PLOD1: variants seen among roughly 807,000 people sequenced by gnomAD.
The protein encoded by PLOD1 is procollagen-lysine,2-oxoglutarate 5-dioxygenase 1, also known as lysine hydroxylase.
PLOD1 carries 70 observed loss-of-function variants against 94.7 expected under a neutral mutation model. That is an observed-to-expected ratio of 0.74 (90% CI 0.61 to 0.90). The LOEUF is 0.90. PLOD1 is among the 40% of genes least tolerant of loss of function. The probability of loss-of-function intolerance (pLI) is 0.00; values close to 1 mark genes in which losing one functional copy is unlikely to be tolerated. For synonymous variants in PLOD1, 417 were observed against 400.2 expected (o/e 1.04, Z -0.50); for missense variants, 905 against 972.7 (o/e 0.93, Z 0.93).
rs1335688527 is a variant in PLOD1, at chr1:11,950,507, C to T, written c.453C>T (p.Phe151=). 6.2e-7 allele frequency: 1 copy of T among 1,613,986 alleles called. No individual in the cohort carries two copies. The highest frequency in any genetic ancestry group is 8.5e-7 in the Non-Finnish European group (1 of 1,180,000). ...KYPVVSDGKR[F]LGSGGFIGYA... ...CGGTGGTGTCCGATGGCAAGAGGTTCCTGGGCTCTGGAGGTGAGAGGCCTG... is the reference window on the plus strand; with the variant it reads ...CGGTGGTGTCCGATGGCAAGAGGTTTCTGGGCTCTGGAGGTGAGAGGCCTG... Residue 151 remains phenylalanine, a synonymous_variant, in exon 4 of 19, where the codon TTC becomes TTT. Transcript: ENST00000196061.
chr1:11,951,214 C>A (rs1253357013), intron 4 of PLOD1, among the ~76,000 whole-genome samples: 11 of 152,194 alleles, frequency 7.2e-5, no homozygotes, highest in African/African-American at 2.4e-4. Context: ...CTGCCATTCC[C>A]TACCCTCATG....
intron 16 of PLOD1, among the ~76,000 whole-genome samples, chr1:11,969,318 G>A (rs1037627587): frequency 6.6e-6 from 1 of 152,138 alleles, no homozygotes; most frequent in Non-Finnish European, 1.5e-5. Flanking sequence ...ACAGAAATGT[G>A]TGTTCCCAAG....
In PLOD1 at chr1:11,965,375, G is replaced by C. The variant is rs190523295; in HGVS notation, c.1471-105G>C. On this transcript the variant is annotated intron_variant, in intron 13 of 18. Transcript: ENST00000196061. ...CTGATATTGGGAACTTCAGTTCGGCGGGTGGAGGAGGCTGCACTGTTGCCC... is the reference window on the plus strand; with the variant it reads ...CTGATATTGGGAACTTCAGTTCGGCCGGTGGAGGAGGCTGCACTGTTGCCC... 180 of 724,430 alleles carry C rather than the reference G, an allele frequency of 2.5e-4. No homozygotes were observed. In the African/African-American group the frequency reaches 2.8e-3, roughly 11 times the overall value. The allele number at this position is 724,430 out of a possible 1,614,324, so 44.9% of individuals were successfully genotyped here.
In PLOD1 at chr1:11,960,649, C is replaced by G; in HGVS notation, c.979C>G (p.Gln327Glu). The G allele has an allele frequency of 6.2e-7, 1 of 1,611,280 alleles. No individual in the cohort carries two copies. The highest frequency in any genetic ancestry group is 8.5e-7 in the Non-Finnish European group (1 of 1,178,966). ...HMRLFIHNHE[Q>E]HHKAQVEEFL... Reference sequence around the variant, plus strand: ...CCTTCCCCATCCCCAACCCCAGGAGCAGCACCACAAGGCTCAGGTGGAAGA... The same window carrying G: ...CCTTCCCCATCCCCAACCCCAGGAGGAGCACCACAAGGCTCAGGTGGAAGA... The change falls in exon 10 of 19, where the codon CAG (glutamine) becomes GAG (glutamate). Residue 327 changes from glutamine (Q) to glutamate (E), a missense_variant. Physicochemically the swap from Gln to Glu is conservative, Grantham distance 29. Coordinates refer to ENST00000196061, the MANE Select transcript of PLOD1 (RefSeq NM_000302.4).
Position 11,970,681 on chromosome 1 carries a change from C to T in PLOD1, c.1767C>T (p.Ile589=). ...TCGGTCACCTCCAGGACAACCGCAT[C>T]CAGGGTGGCTACGAGAACGTGCCGA... ...WSLGNNKDNR[I]QGGYENVPTI... The change falls in exon 17 of 19, where the codon ATC becomes ATT. Residue 589 remains isoleucine (I), a synonymous_variant. Transcript: ENST00000196061. 6.2e-7 allele frequency: 1 copy of T among 1,613,234 alleles called. No homozygotes were observed.
chr1:11,960,474 G>A (rs922199799), intron 9 of PLOD1, among the ~76,000 whole-genome samples, 172 bp from the exon 10 acceptor site: 9 of 152,208 alleles, frequency 5.9e-5, no homozygotes, highest in Admixed American at 2.6e-4. Flanking sequence ...AGGGAAGGGT[G>A]TTCCTGGCAC....
chr1:11,960,657 C>T lies in PLOD1; in HGVS notation c.987C>T (p.His329=). 1.2e-6 allele frequency: 2 copies of T among 1,612,254 alleles called. No homozygotes were observed. The highest frequency in any genetic ancestry group is 1.1e-5 in the South Asian group (1 of 91,006). The change falls in exon 10 of 19, where the codon CAC becomes CAT. Residue 329 remains histidine (H), a synonymous_variant. Transcript: ENST00000196061. ...RLFIHNHEQH[H]KAQVEEFLAQ... is the part of the protein sequence containing the mutation. ...ATCCCCAACCCCAGGAGCAGCACCA[C>T]AAGGCTCAGGTGGAAGAGTTCCTGG...
At chr1:11,938,153 A>T (rs973537373) in intron 1 of PLOD1, among the ~76,000 whole-genome samples, 2 of 119,446 alleles carry the variant, frequency 1.7e-5, no homozygotes, top group Non-Finnish European at 3.4e-5. Flanking sequence ...GGGTTTTGCA[A>T]TGTTAGCCAG....
intron 18 of PLOD1, among the ~76,000 whole-genome samples, chr1:11,974,139 G>C (rs1240610538): frequency 6.6e-6 from 1 of 151,888 alleles, no homozygotes; most frequent in East Asian, 1.9e-4. Context: ...AAAGAGTGGA[G>C]GTGATGTCTG....
chr1:11,958,987 C>T lies in PLOD1; in HGVS notation c.975+340C>T, dbSNP rs1055386984. Among the ~76,000 whole-genome samples the T allele has an allele frequency of 1.3e-5, 2 of 152,112 alleles. No individual in the cohort carries two copies. Among genetic ancestry groups the T allele is most frequent in the Non-Finnish European group, 2.9e-5 (2 of 68,024 alleles). On this transcript the variant is annotated intron_variant, in intron 9 of 18. Transcript: ENST00000196061. This position sits in a 1 kb window ranked among gnomAD's most constrained non-coding sequence, Gnocchi z 4.3. ...TGGGAGGCCCAGGTGGGCAGATTATCTGAGGTCGGGAGTTCGAGACTAGCC... is the reference window on the plus strand; with the variant it reads ...TGGGAGGCCCAGGTGGGCAGATTATTTGAGGTCGGGAGTTCGAGACTAGCC...
rs546870755 is a variant in PLOD1 at position 11,950,284 on chromosome 1, C to T, written c.303-73C>T. On this transcript the variant is annotated intron_variant, in intron 3 of 18. Coordinates refer to ENST00000196061, the MANE Select transcript of PLOD1 (RefSeq NM_000302.4). ...TTTGTGGAGCACTTGATCCCTGGTC[C>T]CTCCTGTCTGTGCCCTCACTGGGCC... 62 of 1,433,858 alleles carry T rather than the reference C, an allele frequency of 4.3e-5. No homozygotes were observed. The African/African-American group carries it at 7.9e-4, about 18-fold the overall frequency. The allele number at this position is 1,433,858 out of a possible 1,614,324, so 88.8% of individuals were successfully genotyped here.
At chr1:11,937,739 A>G (rs1486562911) in intron 1 of PLOD1, among the ~76,000 whole-genome samples, 1 of 152,080 alleles carries the variant, frequency 6.6e-6, no homozygotes, top group Non-Finnish European at 1.5e-5. Flanking sequence ...GGGTGCTGCT[A>G]TGGGCGGAGG....
At chr1:11,942,560 G>A (rs1028785001) in intron 1 of PLOD1, among the ~76,000 whole-genome samples, 4 of 152,186 alleles carry the variant, frequency 2.6e-5, no homozygotes, top group African/African-American at 4.8e-5. Context: ...GTTGCAGACA[G>A]GTCAAGGGAA....
At chr1:11,953,932 A>G (rs902581105) in intron 5 of PLOD1, among the ~76,000 whole-genome samples, 3 of 151,736 alleles carry the variant, frequency 2.0e-5, no homozygotes, top group African/African-American at 7.2e-5. Flanking sequence ...TGGCAGAAAC[A>G]TAGCTCACTG....
chr1:11,972,792 C>T lies in PLOD1; in HGVS notation c.1903-80C>T. On this transcript the variant is annotated intron_variant, in intron 17 of 18. Transcript: ENST00000196061. This position sits in a 1 kb window ranked among gnomAD's most constrained non-coding sequence, Gnocchi z 4.6. The stretch of plus-strand genomic sequence containing the variant: ...GACCTGCAGCAGGCCAGACCAGGCC[C>T]CATGTGTGCACCCTCCTCTCCTGGC... 2 of 1,536,458 alleles carry T rather than the reference C, an allele frequency of 1.3e-6. No individual in the cohort carries two copies. The highest frequency in any genetic ancestry group is 2.3e-5 in the East Asian group (1 of 44,420).
chr1:11,959,021 A>G (rs898553009), intron 9 of PLOD1, among the ~76,000 whole-genome samples: 3 of 152,100 alleles, frequency 2.0e-5, no homozygotes, highest in African/African-American at 7.2e-5. Context: ...CCTGACCAAC[A>G]TGGTGAAACC....
rs1557478377 is a variant in PLOD1, at chr1:11,934,732, GC to G, written c.-45del. ...CTGCGGCCCCGTCGCGAAGTTTCCAGCCCTGCGAGCGCCGCCGGGTCGGCCG... is the reference window on the plus strand; with the variant it reads ...CTGCGGCCCCGTCGCGAAGTTTCCAGCCTGCGAGCGCCGCCGGGTCGGCCG... On this transcript the variant is annotated 5_prime_UTR_variant, in exon 1 of 19. Transcript: ENST00000196061. 1 of 1,517,266 alleles carries G rather than the reference GC, an allele frequency of 6.6e-7. No homozygotes were observed. Among genetic ancestry groups the G allele is most frequent in the South Asian group, 1.2e-5 (1 of 81,722 alleles). 94.0% of individuals were successfully genotyped at this position (1,517,266 alleles called of 1,614,324 possible). A position where few individuals can be genotyped will look rare whatever the true frequency, so the allele number is the denominator to read the frequency against.
chr1:11,965,658 G>A (rs897095584), intron 14 of PLOD1, 65 bp downstream of exon 14: 2 of 977,918 alleles, frequency 2.0e-6, no homozygotes, highest in Admixed American at 1.7e-5. Flanking sequence ...CAGTCGGAGG[G>A]ACTTCCCTCT....
chr1:11,958,934 G>A lies in PLOD1; in HGVS notation c.975+287G>A, dbSNP rs776766851. ...AAAATAGGCATAAAAGTCGGGCGCG[G>A]TGGCTCATGCCTGTAATCCCAGCAC... On this transcript the variant is annotated intron_variant, in intron 9 of 18. Coordinates refer to ENST00000196061, the MANE Select transcript of PLOD1 (RefSeq NM_000302.4). The surrounding 1 kb of genome is among the most constrained non-coding windows in gnomAD (Gnocchi z 4.3). Among the ~76,000 whole-genome samples, 29 of 152,214 alleles carry A rather than the reference G, an allele frequency of 1.9e-4. No homozygotes were observed. Among genetic ancestry groups the A allele is most frequent in the Non-Finnish European group, 4.0e-4 (27 of 68,040 alleles).
Sources: allele counts gnomAD v4.1 joint callset (sites outside exome capture counted in the v4.1 genomes callset), GRCh38; gene constraint gnomAD v4.1.1; non-coding constraint Gnocchi (gnomAD v3.1); transcripts MANE v1.5; gene names NCBI Gene and HGNC (gene_info 2026-07-23, HGNC 2026-07-21).